Variants in ATP9B observed in about 807,000 individuals in gnomAD.
ATP9B encodes the protein probable phospholipid-transporting ATPase IIB.
A neutral mutation model predicts 146.1 loss-of-function variants in ATP9B; 110 were observed. The ratio of observed to expected loss-of-function variants is 0.75; its 90% CI spans 0.65 to 0.88. The LOEUF (loss-of-function observed/expected upper bound fraction) is 0.88. ATP9B is among the 40% of genes least tolerant of loss of function. ATP9B has a pLI of 0.00. For missense variants in ATP9B, 1,499 were observed against 1,496.4 expected (o/e 1.00, Z -0.03); for synonymous variants, 604 against 569.7 (o/e 1.06, Z -0.86).
At chr18:79,340,722 T>C (rs1422009273) in intron 19 of ATP9B, among the ~76,000 whole-genome samples, 1 of 152,258 alleles carries the variant, frequency 6.6e-6, no homozygotes, top group Non-Finnish European at 1.5e-5. Context: ...TAGGAATATA[T>C]ATACACATAA....
chr18:79,116,940 T>TAAAA (rs377608135), intron 4 of ATP9B, among the ~76,000 whole-genome samples: 13 of 106,800 alleles, frequency 1.2e-4, no homozygotes, highest in Non-Finnish European at 1.5e-4. Context: ...AAAAAAAAAT[T>TAAAA]AAAAAAAAAA....
chr18:79,201,113 A>T (rs180723989), intron 9 of ATP9B, among the ~76,000 whole-genome samples: 1 of 152,232 alleles, frequency 6.6e-6, no homozygotes, highest in Non-Finnish European at 1.5e-5. Flanking sequence ...CTAATTAAAG[A>T]TACATTTACT....
chr18:79,354,154 G>A lies in ATP9B; in HGVS notation c.2904-5200G>A, dbSNP rs570013499. The A allele has an allele frequency of 4.6e-5, 7 of 152,292 alleles. No homozygotes were observed. The East Asian group carries it at 1.2e-3, about 25-fold the overall frequency. 9.4% of individuals were successfully genotyped at this position (152,292 alleles called of 1,614,324 possible). ...GAATATAACCTTTAGGTATCCGCAT[G>A]TTTCAAGGCTAAAATATAACGTGGT... is the stretch of plus-strand genomic sequence containing the variant. On this transcript the variant is annotated intron_variant, in intron 25 of 29. Transcript: ENST00000426216.
At chr18:79,261,238 T>TC (rs1555794139) in intron 12 of ATP9B, among the ~76,000 whole-genome samples, 1 of 152,164 alleles carries the variant, frequency 6.6e-6, no homozygotes, top group East Asian at 1.9e-4. Flanking sequence ...GAGGGTGGAC[T>TC]CCCATGCATG....
intron 15 of ATP9B, among the ~76,000 whole-genome samples, chr18:79,313,400 A>G (rs886879832): frequency 5.9e-5 from 9 of 152,204 alleles, no homozygotes; most frequent in Non-Finnish European, 1.2e-4. Flanking sequence ...CCATATTCCT[A>G]TCAAGAAGGG....
chr18:79,296,049 T>C (rs116902306), intron 13 of ATP9B, among the ~76,000 whole-genome samples: 4,637 of 152,312 alleles, frequency 0.03, 111 homozygotes, highest in Non-Finnish European at 0.04. Flanking sequence ...AAGGTCTTGC[T>C]CTGTGACTCA....
intron 13 of ATP9B, among the ~76,000 whole-genome samples, chr18:79,290,595 G>A (rs143136994): frequency 0.013 from 2,027 of 152,278 alleles, 41 homozygotes; most frequent in African/African-American, 0.046. Flanking sequence ...GCCCTGCTTC[G>A]GCTCGCGCAA....
At chr18:79,074,843 A>G (rs1205149766) in intron 1 of ATP9B, among the ~76,000 whole-genome samples, 2 of 152,230 alleles carry the variant, frequency 1.3e-5, no homozygotes, top group African/African-American at 4.8e-5. Flanking sequence ...TTGTGCTTCT[A>G]CATTATTTTC....
intron 9 of ATP9B, among the ~76,000 whole-genome samples, chr18:79,206,466 C>G (rs1391666389): frequency 6.6e-6 from 1 of 151,986 alleles, no homozygotes; most frequent in Non-Finnish European, 1.5e-5. Flanking sequence ...ATATTTTCTA[C>G]TTTTCCAGGA....
chr18:79,170,347 T>C (rs1253757185), intron 7 of ATP9B, among the ~76,000 whole-genome samples: 1 of 152,174 alleles, frequency 6.6e-6, no homozygotes, highest in Non-Finnish European at 1.5e-5. Flanking sequence ...CCAAGAACAA[T>C]TGAGATGAGT....
Position 79,069,440 on chromosome 18 carries a change from G to A in ATP9B, c.30G>A (p.Val10=), listed in dbSNP as rs774093491. 1 of 1,519,128 alleles carries A rather than the reference G, an allele frequency of 6.6e-7. No individual in the cohort carries two copies. The highest frequency in any genetic ancestry group is 8.8e-7 in the Non-Finnish European group (1 of 1,137,104). 94.1% of individuals were successfully genotyped at this position (1,519,128 alleles called of 1,614,324 possible). The change falls in exon 1 of 30, where the codon GTG becomes GTA. Residue 10 remains valine, a synonymous_variant. Transcript: ENST00000426216. MADQIPLYP[V]RSAAAAAANR... is the part of the protein sequence containing the mutation. ...CGGACCAGATCCCGCTTTACCCGGT[G>A]CGTAGCGCAGCGGCGGCCGCAGCCA...
chr18:79,263,616 T>G (rs1313616496), intron 12 of ATP9B, among the ~76,000 whole-genome samples: 2 of 151,710 alleles, frequency 1.3e-5, no homozygotes, highest in Non-Finnish European at 2.9e-5. Context: ...TTGTGTTGTC[T>G]TCTTCTCATT....
At chr18:79,071,292 A>G (rs2071741198) in intron 1 of ATP9B, among the ~76,000 whole-genome samples, 1 of 151,380 alleles carries the variant, frequency 6.6e-6, no homozygotes, top group South Asian at 2.1e-4. Context: ...AGATGGTGTT[A>G]CAGTTTTTGT....
chr18:79,193,268 G>A lies in ATP9B; in HGVS notation c.954+5G>A. Reference sequence around the variant, plus strand: ...TTCGAAGGCACATTTACCAGGGTAAGTTAAACCTGTTGTTCAATACAAATA... The same window carrying A: ...TTCGAAGGCACATTTACCAGGGTAAATTAAACCTGTTGTTCAATACAAATA... On this transcript the variant is annotated splice_donor_5th_base_variant and intron_variant, in intron 9 of 29. Coordinates refer to ENST00000426216, the MANE Select transcript of ATP9B (RefSeq NM_198531.5). The A allele has an allele frequency of 6.3e-7, 1 of 1,591,076 alleles. No individual in the cohort carries two copies. Among genetic ancestry groups the A allele is most frequent in the Non-Finnish European group, 8.6e-7 (1 of 1,159,300 alleles).
chr18:79,083,189 G>A (rs867613213), intron 1 of ATP9B, among the ~76,000 whole-genome samples: 9 of 152,160 alleles, frequency 5.9e-5, no homozygotes, highest in East Asian at 5.8e-4. Flanking sequence ...ACTTCCCAGC[G>A]GCTTTGTTTA....
chr18:79,291,979 A>G (rs538327841), intron 13 of ATP9B, among the ~76,000 whole-genome samples: 37 of 152,274 alleles, frequency 2.4e-4, no homozygotes, highest in Middle Eastern at 3.4e-3. Flanking sequence ...TTCCACGTAA[A>G]TGAGTCAGAC....
At chr18:79,146,523 C>A in intron 6 of ATP9B, 1 of 167,856 alleles carries the variant, frequency 6.0e-6, no homozygotes, top group Non-Finnish European at 1.2e-5. Flanking sequence ...GGGGAGCTGG[C>A]GGTGTGCACA....
chr18:79,229,399 G>A (rs1336012456), intron 11 of ATP9B, among the ~76,000 whole-genome samples: 1 of 152,146 alleles, frequency 6.6e-6, no homozygotes, highest in Admixed American at 6.5e-5. Flanking sequence ...AATTTGTTTT[G>A]TTATTACAAT....
chr18:79,132,163 G>A (rs1006902009), intron 5 of ATP9B, among the ~76,000 whole-genome samples: 8 of 152,236 alleles, frequency 5.3e-5, no homozygotes, highest in African/African-American at 9.6e-5. Context: ...CTGCTGTTAC[G>A]TCTTTTGTAC....
Sources: gnomAD v4.1 joint callset for allele counts (sites outside exome capture counted in the v4.1 genomes callset) on GRCh38, gnomAD v4.1.1 for gene constraint, MANE v1.5 for transcripts, NCBI Gene and HGNC (gene_info 2026-07-23, HGNC 2026-07-21) for gene names.